RBFOX1: variants seen among roughly 807,000 people sequenced by gnomAD.
RBFOX1 encodes RNA binding fox-1 homolog 1.
RBFOX1 carries 8 observed loss-of-function variants against 57.7 expected under a neutral mutation model. That is an observed-to-expected ratio of 0.14 (90% CI 0.08 to 0.25). The LOEUF (loss-of-function observed/expected upper bound fraction) is 0.25, where lower values mean the gene tolerates loss of function less well. RBFOX1 is among the 10% of genes least tolerant of loss of function. The probability of loss-of-function intolerance (pLI) is 1.00; values close to 1 mark genes in which losing one functional copy is unlikely to be tolerated. For missense variants in RBFOX1, 611 were observed against 548.5 expected (o/e 1.11, Z -1.14); for synonymous variants, 326 against 222.4 (o/e 1.47, Z -4.15).
chr16:6,685,067 A>G (rs2059220306), intron 3 of RBFOX1, among the ~76,000 whole-genome samples: 1 of 152,110 alleles, frequency 6.6e-6, no homozygotes, highest in African/African-American at 2.4e-5. Flanking sequence ...TTACAGGTGA[A>G]ATTCAAACCT....
intron 4 of RBFOX1, among the ~76,000 whole-genome samples, chr16:7,416,438 C>A (rs1002158220): frequency 1.3e-5 from 2 of 152,146 alleles, no homozygotes; most frequent in Non-Finnish European, 2.9e-5. Flanking sequence ...TCACCCCCAA[C>A]CTCTGCTGAT....
intron 4 of RBFOX1, among the ~76,000 whole-genome samples, chr16:5,953,255 T>C (rs1293782258): frequency 6.6e-6 from 1 of 152,226 alleles, no homozygotes; most frequent in Non-Finnish European, 1.5e-5. Context: ...TAGTTAAGGA[T>C]GCCCAATGAA....
chr16:6,557,859 T>C (rs185564085), intron 2 of RBFOX1, among the ~76,000 whole-genome samples: 2 of 152,334 alleles, frequency 1.3e-5, no homozygotes, highest in Admixed American at 1.3e-4. Context: ...GTCATTTTAA[T>C]ATTGTGTATT....
chr16:5,611,072 C>T (rs1001999407), intron 3 of RBFOX1, among the ~76,000 whole-genome samples: 3 of 152,122 alleles, frequency 2.0e-5, no homozygotes, highest in Non-Finnish European at 4.4e-5. Flanking sequence ...ACAACTAGAG[C>T]ATCATCCACA....
chr16:7,007,159 A>G (rs1346968234), intron 3 of RBFOX1, among the ~76,000 whole-genome samples: 2 of 152,220 alleles, frequency 1.3e-5, no homozygotes, highest in Non-Finnish European at 2.9e-5. Context: ...TCAGGTTGCC[A>G]GCAAAATTTA....
intron 13 of RBFOX1, among the ~76,000 whole-genome samples, chr16:7,665,537 A>G (rs906983522): frequency 1.3e-5 from 2 of 152,098 alleles, no homozygotes; most frequent in Non-Finnish European, 2.9e-5. Flanking sequence ...ATTTCCCCCA[A>G]TTACCTGACT....
intron 3 of RBFOX1, among the ~76,000 whole-genome samples, chr16:6,795,787 AAAAAG>A (rs2154252317): frequency 6.6e-6 from 1 of 152,058 alleles, no homozygotes; most frequent in South Asian, 2.1e-4. Flanking sequence ...TGAAAAAAAA[AAAAAG>A]ATAGTCATCG....
chr16:5,619,145 A>G (rs758451), intron 3 of RBFOX1, among the ~76,000 whole-genome samples: 13,321 of 152,200 alleles, frequency 0.088, 1,920 homozygotes, highest in African/African-American at 0.3. Context: ...AAGACGTGCA[A>G]AGGGGTTACC....
At chr16:7,705,090 C>G (rs1383978503) in intron 14 of RBFOX1, among the ~76,000 whole-genome samples, 1 of 149,958 alleles carries the variant, frequency 6.7e-6, no homozygotes, top group Non-Finnish European at 1.5e-5. Flanking sequence ...AAAGAAGCAT[C>G]TCTTCATCTC....
chr16:6,552,949 A>C (rs1340682248), intron 2 of RBFOX1, among the ~76,000 whole-genome samples: 1 of 152,160 alleles, frequency 6.6e-6, no homozygotes, highest in African/African-American at 2.4e-5. Context: ...AATCTTTTCT[A>C]ATTAAAAATT....
intron 2 of RBFOX1, among the ~76,000 whole-genome samples, chr16:5,589,159 C>T (rs1034462094): frequency 2.0e-5 from 3 of 152,112 alleles, no homozygotes; most frequent in Non-Finnish European, 4.4e-5. Context: ...GGTCCAGGAC[C>T]CACTGTAAGA....
chr16:5,307,211 A>C (rs528645642), intron 1 of RBFOX1, among the ~76,000 whole-genome samples: 1 of 152,150 alleles, frequency 6.6e-6, no homozygotes, highest in Non-Finnish European at 1.5e-5. Context: ...CTTGCATTTC[A>C]TGTTTGCATG....
intron 1 of RBFOX1, among the ~76,000 whole-genome samples, chr16:6,271,737 A>G (rs2075243381): frequency 6.6e-6 from 1 of 152,176 alleles, no homozygotes; most frequent in African/African-American, 2.4e-5. Flanking sequence ...ACAAACCATC[A>G]TATTTTACTC....
Position 6,599,561 on chromosome 16 carries a change from C to G in RBFOX1, c.-63-55042C>G, listed in dbSNP as rs184741312. Among the ~76,000 whole-genome samples the G allele has an allele frequency of 3.3e-5, 5 of 152,284 alleles. No homozygotes were observed. The East Asian group carries it at 7.7e-4, about 24-fold the overall frequency. ...TTCAGTTCTCAAGCCAGTAACAAAA[C>G]TCCTACCATTTCTTACTTGCAAAAA... On this transcript the variant is annotated intron_variant, in intron 2 of 15. Coordinates refer to ENST00000550418, the MANE Select transcript of RBFOX1 (RefSeq NM_018723.4).
intron 1 of RBFOX1, among the ~76,000 whole-genome samples, chr16:5,275,439 A>G (rs201376393): frequency 6.6e-6 from 1 of 152,186 alleles, no homozygotes; most frequent in African/African-American, 2.4e-5. Context: ...CCCTTTTATA[A>G]TAGCTGTAAA....
At position 6,707,664 on chromosome 16, in the gene RBFOX1, C is replaced by T. The variant is rs143501679; in HGVS notation, c.-16+53014C>T. Among the ~76,000 whole-genome samples, 116 of 152,206 alleles carry T rather than the reference C, an allele frequency of 7.6e-4. 3 individuals are homozygous for T. In the East Asian group the frequency reaches 0.019, roughly 25 times the overall value. ...CGTCTCCAGAAAGGAAGGGCATGTA[C>T]ATTTACAAGCCCAGGAGAGTGATAG... On this transcript the variant is annotated intron_variant, in intron 3 of 15. Transcript: ENST00000550418.
intron 3 of RBFOX1, among the ~76,000 whole-genome samples, chr16:6,994,822 C>G (rs1180165961): frequency 3.9e-5 from 6 of 152,132 alleles, no homozygotes; most frequent in Admixed American, 1.3e-4. Context: ...CTTTCAGAGA[C>G]TGATAAAAAT....
intron 4 of RBFOX1, among the ~76,000 whole-genome samples, chr16:5,925,974 A>G (rs190743216): frequency 5.3e-5 from 8 of 152,068 alleles, no homozygotes; most frequent in East Asian, 1.9e-4. Flanking sequence ...CCTATTGTCT[A>G]TTGTCCTCTG....
intron 5 of RBFOX1, among the ~76,000 whole-genome samples, chr16:7,520,405 C>A (rs911835474): frequency 2.0e-5 from 3 of 152,122 alleles, no homozygotes; most frequent in African/African-American, 7.2e-5. Context: ...AAACCCCATA[C>A]CCACTAAGCA....
Sources: gnomAD v4.1 joint callset for allele counts (sites outside exome capture counted in the v4.1 genomes callset) on GRCh38, gnomAD v4.1.1 for gene constraint, MANE v1.5 for transcripts, NCBI Gene and HGNC (gene_info 2026-07-23, HGNC 2026-07-21) for gene names.